Variants in PRSS55 observed in about 807,000 individuals in gnomAD.
PRSS55 encodes the protein probable serine protease UNQ9391/PRO34284.
A neutral mutation model predicts 23.6 loss-of-function variants in PRSS55; 41 were observed. The ratio of observed to expected loss-of-function variants is 1.74; its 90% CI spans 1.35 to 2.26. PRSS55 has a LOEUF of 2.26. PRSS55 is among the 30% of genes most tolerant of loss of function. The probability of loss-of-function intolerance (pLI) is 0.00; values close to 1 mark genes in which losing one functional copy is unlikely to be tolerated. For missense variants in PRSS55, 669 were observed against 439.1 expected (o/e 1.52, Z -4.68); for synonymous variants, 262 against 175.5 (o/e 1.49, Z -3.90).
At chr8:10,542,199 T>A (rs1335862659), downstream of PRSS55, among the ~76,000 whole-genome samples, 2 of 152,156 alleles carry the variant, frequency 1.3e-5, no homozygotes, top group East Asian at 3.9e-4. Context: ...AGAGTTTTCA[T>A]ACCTAGAGTC....
downstream of PRSS55, among the ~76,000 whole-genome samples, chr8:10,543,791 AT>A (rs1387074991): frequency 1.3e-5 from 2 of 151,492 alleles, no homozygotes; most frequent in African/African-American, 4.9e-5. Flanking sequence ...CTTTTTACTC[AT>A]TGATTATTTA....
intron 4 of PRSS55, among the ~76,000 whole-genome samples, chr8:10,533,769 C>T (rs1286778228): frequency 6.6e-6 from 1 of 152,168 alleles, no homozygotes; most frequent in African/African-American, 2.4e-5. Context: ...ATTGGCCAGG[C>T]AGTGGACCTT....
intron 2 of PRSS55, 38 bp from the exon 3 acceptor site, chr8:10,531,257 C>G: frequency 6.2e-7 from 1 of 1,608,794 alleles, no homozygotes; most frequent in Non-Finnish European, 8.5e-7. Context: ...GACTTCCCTT[C>G]CCCTTCCACT....
chr8:10,544,066 C>G lies in PRSS55; in HGVS notation c.742-9877C>G, dbSNP rs542018609. Among the ~76,000 whole-genome samples, 11 of 152,258 alleles carry G rather than the reference C, an allele frequency of 7.2e-5. No individual in the cohort carries two copies. In the East Asian group the frequency reaches 1.2e-3, roughly 16 times the overall value. On this transcript the variant is annotated intron_variant, in intron 4 of 4. Transcript: ENST00000522210. Reference sequence around the variant, plus strand: ...TGGTTTATAGTATTGCCAAAATCCTCTTTATCCTTGTTAATCTTCTGTATA... The same window carrying G: ...TGGTTTATAGTATTGCCAAAATCCTGTTTATCCTTGTTAATCTTCTGTATA...
intron 3 of PRSS55, among the ~76,000 whole-genome samples, chr8:10,532,536 T>C (rs1812305873): frequency 6.6e-6 from 1 of 152,172 alleles, no homozygotes; most frequent in Non-Finnish European, 1.5e-5. Flanking sequence ...GTGAAGGAAA[T>C]GCCATCCTCA....
At chr8:10,542,248 T>TGCGGATGTG (rs1319756406), downstream of PRSS55, among the ~76,000 whole-genome samples, 1 of 151,960 alleles carries the variant, frequency 6.6e-6, no homozygotes, top group Non-Finnish European at 1.5e-5. Flanking sequence ...GGTGCCCCAG[T>TGCGGATGTG]GCGGATGTGT....
chr8:10,551,343 T>C (rs1401855704), intron 4 of PRSS55, among the ~76,000 whole-genome samples: 1 of 152,240 alleles, frequency 6.6e-6, no homozygotes, highest in Admixed American at 6.5e-5. Context: ...CATTCACTTA[T>C]TCTTCCTGTT....
Position 10,530,597 on chromosome 8 carries a change from G to C in PRSS55, c.348-698G>C, listed in dbSNP as rs138955938. ...AACTGATGTCCAATACACTGAGGCT[G>C]CTCACCCACAGTACCCATCTAGTAT... On this transcript the variant is annotated intron_variant, in intron 2 of 4. Coordinates refer to ENST00000328655, the MANE Select transcript of PRSS55 (RefSeq NM_198464.4). Among the ~76,000 whole-genome samples, 222 of 152,260 alleles carry C rather than the reference G, an allele frequency of 1.5e-3. 6 individuals carry two copies. In the East Asian group the frequency reaches 0.026, roughly 18 times the overall value.
chr8:10,532,791 T>A, intron 3 of PRSS55, 115 bp from the exon 4 acceptor site: 2 of 1,323,140 alleles, frequency 1.5e-6, no homozygotes, highest in Non-Finnish European at 2.1e-6. Flanking sequence ...GCAGAGCCTG[T>A]GAAGGAAGGG....
intron 4 of PRSS55, among the ~76,000 whole-genome samples, chr8:10,550,601 C>T (rs1180072100): frequency 6.6e-6 from 1 of 152,164 alleles, no homozygotes; most frequent in Admixed American, 6.5e-5. Context: ...TCTCTGCCTC[C>T]CCACTTCTGA....
chr8:10,533,932 G>A (rs75381309), intron 4 of PRSS55, among the ~76,000 whole-genome samples: 1 of 152,172 alleles, frequency 6.6e-6, no homozygotes, highest in African/African-American at 2.4e-5. Flanking sequence ...AGCCTTGAGA[G>A]GTGGGTACTG....
intron 2 of PRSS55, 52 bp downstream of exon 2, chr8:10,529,751 G>A (rs1812181777): frequency 6.4e-7 from 1 of 1,554,594 alleles, no homozygotes; most frequent in Non-Finnish European, 8.8e-7. Context: ...CACCCCTGGG[G>A]CACCCTCCCC....
chr8:10,525,629 G>T lies in PRSS55; in HGVS notation c.44G>T (p.Gly15Val). The change falls in exon 1 of 5, where the codon GGA (glycine) becomes GTA (valine). Residue 15 changes from glycine (G) to valine (V), a missense_variant. Transcript: ENST00000328655. ...SVLLLLSLVTGTQLGPRTPLP... is the reference protein window; with the variant it reads ...SVLLLLSLVTVTQLGPRTPLP... ...TTGCTGCTCCTGTCCCTGGTCACGG[G>T]AACTCAGCTCGGTCCACGGACTCCT... 6.2e-7 allele frequency: 1 copy of T among 1,614,148 alleles called. No homozygotes were observed. Among genetic ancestry groups the T allele is most frequent in the Non-Finnish European group, 8.5e-7 (1 of 1,180,014 alleles).
Position 10,550,977 on chromosome 8 carries a change from C to T in PRSS55, c.742-2966C>T, listed in dbSNP as rs73662861. On this transcript the variant is annotated intron_variant, in intron 4 of 4. Transcript: ENST00000522210. ...CCACTAAAACATTCTTCTGCCCCAA[C>T]AGCTGACATGGACCCAGGCTTCCAG... Among the ~76,000 whole-genome samples, 1,070 of 152,338 alleles carry T rather than the reference C, an allele frequency of 7.0e-3. 11 individuals are homozygous for T. Among genetic ancestry groups the T allele is most frequent in the African/African-American group, 0.022 (928 of 41,580 alleles).
At chr8:10,537,516 G>T (rs1404571161) in intron 4 of PRSS55, among the ~76,000 whole-genome samples, 2 of 152,146 alleles carry the variant, frequency 1.3e-5, no homozygotes, top group Non-Finnish European at 2.9e-5. Flanking sequence ...TAGTTAGAAT[G>T]AATAAAGTCT....
intron 2 of PRSS55, among the ~76,000 whole-genome samples, chr8:10,530,697 C>G (rs1048362622): frequency 6.6e-6 from 1 of 152,138 alleles, no homozygotes; most frequent in Non-Finnish European, 1.5e-5. Context: ...TTTGAAGACA[C>G]ACACACTGAT....
At chr8:10,526,688 G>A (rs1812036168) in intron 1 of PRSS55, among the ~76,000 whole-genome samples, 2 of 152,206 alleles carry the variant, frequency 1.3e-5, no homozygotes, top group South Asian at 2.1e-4. Flanking sequence ...AGAATGTGGG[G>A]GATGGATCCC....
chr8:10,539,273 C>G (rs1187624447), downstream of PRSS55, among the ~76,000 whole-genome samples: 2 of 152,130 alleles, frequency 1.3e-5, no homozygotes, highest in African/African-American at 4.8e-5. Context: ...CAAGGCCCAC[C>G]CACATTATGA....
chr8:10,544,740 G>C (rs1005850669), intron 4 of PRSS55, among the ~76,000 whole-genome samples: 1 of 152,054 alleles, frequency 6.6e-6, no homozygotes, highest in African/African-American at 2.4e-5. Context: ...ATTAACTTCT[G>C]GTTTAGACTA....
Sources: gnomAD v4.1 joint callset for allele counts (sites outside exome capture counted in the v4.1 genomes callset) on GRCh38, gnomAD v4.1.1 for gene constraint, MANE v1.5 for transcripts, NCBI Gene and HGNC (gene_info 2026-07-23, HGNC 2026-07-21) for gene names.